The following GSTCD variants were observed in gnomAD, a reference collection of about 807,000 sequenced individuals.
GSTCD encodes glutathione S-transferase C-terminal domain containing, also known as glutathione S-transferase C-terminal domain-containing protein.
A neutral mutation model predicts 68.3 loss-of-function variants in GSTCD; 44 were observed. The ratio of observed to expected loss-of-function variants is 0.64; its 90% CI spans 0.51 to 0.83. The LOEUF is 0.83. Ranked by LOEUF, GSTCD falls within the 40% of genes least tolerant of loss-of-function variation. The pLI is 0.00. For synonymous variants in GSTCD, 273 were observed against 255.2 expected (o/e 1.07, Z -0.67); for missense variants, 739 against 735.9 (o/e 1.00, Z -0.05).
intron 5 of GSTCD, among the ~76,000 whole-genome samples, chr4:105,807,999 T>C (rs1201937537): frequency 6.6e-6 from 1 of 152,126 alleles, no homozygotes; most frequent in Admixed American, 6.6e-5. Flanking sequence ...CCTTCTTCTC[T>C]CTTGATCCTA....
chr4:105,750,662 T>C (rs1733982463), intron 5 of GSTCD, among the ~76,000 whole-genome samples: 3 of 151,994 alleles, frequency 2.0e-5, no homozygotes, highest in Non-Finnish European at 4.4e-5. Flanking sequence ...TCCAGAAAAA[T>C]AACAACTTAT....
At chr4:105,829,852 G>A (rs1459107482) in intron 8 of GSTCD, among the ~76,000 whole-genome samples, 1 of 151,724 alleles carries the variant, frequency 6.6e-6, no homozygotes, top group African/African-American at 2.4e-5. Flanking sequence ...CAGAGAACAA[G>A]AAAGGACGTC....
At chr4:105,790,523 C>T (rs908907650) in intron 5 of GSTCD, among the ~76,000 whole-genome samples, 1 of 151,864 alleles carries the variant, frequency 6.6e-6, no homozygotes, top group Admixed American at 6.6e-5. Context: ...TGCCTGTAGC[C>T]CCAGCTACTC....
chr4:105,829,194 A>G (rs1460576359), intron 8 of GSTCD, among the ~76,000 whole-genome samples: 1 of 151,400 alleles, frequency 6.6e-6, no homozygotes, highest in Non-Finnish European at 1.5e-5. Context: ...AATTAAAAAA[A>G]AAAAAAAAAA....
At chr4:105,828,477 G>A (rs188002038) in intron 8 of GSTCD, among the ~76,000 whole-genome samples, 1 of 152,228 alleles carries the variant, frequency 6.6e-6, no homozygotes, top group African/African-American at 2.4e-5. Flanking sequence ...CTTCTGAGAT[G>A]AAAATAGCAG....
At chr4:105,845,170 C>T (rs1724499085) in intron 11 of GSTCD, among the ~76,000 whole-genome samples, 1 of 152,148 alleles carries the variant, frequency 6.6e-6, no homozygotes, top group African/African-American at 2.4e-5. Flanking sequence ...GTCTGAGGCT[C>T]TAATTTGAGA....
intron 5 of GSTCD, among the ~76,000 whole-genome samples, chr4:105,790,810 A>G (rs1039071495): frequency 2.6e-5 from 4 of 152,110 alleles, no homozygotes; most frequent in African/African-American, 9.7e-5. Flanking sequence ...TATAAGTAAC[A>G]GAAATTGCCC....
chr4:105,726,649 T>G lies in GSTCD; in HGVS notation c.965T>G (p.Ile322Ser). 6.2e-7 allele frequency: 1 copy of G among 1,613,670 alleles called. No homozygotes were observed. Residue 322 changes from isoleucine to serine, a missense_variant, in exon 4 of 12, where the codon ATT becomes AGT. Ile to Ser is a moderately radical substitution (Grantham distance 142, BLOSUM62 -2). Coordinates refer to ENST00000515279, the MANE Select transcript of GSTCD (RefSeq NM_001370181.1). ...FPLLASWYQRIQEVPGVKTAA... is the reference protein window; with the variant it reads ...FPLLASWYQRSQEVPGVKTAA... The stretch of plus-strand genomic sequence containing the variant: ...TTGCTAGCCTCTTGGTACCAGAGGA[T>G]TCAGGAAGTGCCAGGAGTAAAAACA...
At chr4:105,734,336 G>A (rs1483861504) in intron 5 of GSTCD, among the ~76,000 whole-genome samples, 1 of 152,196 alleles carries the variant, frequency 6.6e-6, no homozygotes, top group African/African-American at 2.4e-5. Context: ...ATCAGCCATG[G>A]ATTTGGTCTT....
intron 5 of GSTCD, among the ~76,000 whole-genome samples, chr4:105,798,603 T>A (rs749842043): frequency 3.3e-5 from 5 of 152,184 alleles, no homozygotes; most frequent in Admixed American, 6.5e-5. Context: ...TCCTTGTAGA[T>A]CTCCATCAGA....
intron 1 of GSTCD, among the ~76,000 whole-genome samples, chr4:105,713,943 G>A (rs1732610781): frequency 6.6e-6 from 1 of 151,096 alleles, no homozygotes; most frequent in Non-Finnish European, 1.5e-5. Context: ...GGAGAAGTAT[G>A]CTTGTTTTTA....
At chr4:105,718,983 A>G (rs1732769763) in intron 2 of GSTCD, 77 bp from the exon 3 acceptor site, 1 of 1,155,508 alleles carries the variant, frequency 8.7e-7, no homozygotes, top group Admixed American at 2.3e-5. Flanking sequence ...TTATTTCCCA[A>G]TAAGACAGTT....
Position 105,710,531 on chromosome 4 carries a change from T to C in GSTCD, c.-22+1515T>C, listed in dbSNP as rs72969258. ...GGCGTGAGCCACCGCGCCCGGCCTG[T>C]TTTTGTTTTTTTAAACTTGTTTTAC... On this transcript the variant is annotated intron_variant, in intron 1 of 11. Transcript: ENST00000515279. Among the ~76,000 whole-genome samples the C allele has an allele frequency of 6.1e-3, 931 of 151,978 alleles. 7 individuals are homozygous for C. The highest frequency in any genetic ancestry group is 0.021 in the African/African-American group (857 of 41,456).
chr4:105,808,915 G>A (rs1722639984), intron 5 of GSTCD, among the ~76,000 whole-genome samples: 1 of 152,064 alleles, frequency 6.6e-6, no homozygotes, highest in Admixed American at 6.6e-5. Flanking sequence ...TTGATGATCA[G>A]ATCGACAGCT....
chr4:105,713,846 A>T (rs1029450273), intron 1 of GSTCD, among the ~76,000 whole-genome samples: 1 of 151,502 alleles, frequency 6.6e-6, no homozygotes, highest in Non-Finnish European at 1.5e-5. Context: ...AATTTATCTA[A>T]TATATAATGT....
intron 5 of GSTCD, among the ~76,000 whole-genome samples, chr4:105,788,669 G>T (rs1160346719): frequency 1.3e-5 from 2 of 152,104 alleles, no homozygotes; most frequent in African/African-American, 4.8e-5. Context: ...AGTCTAAAGA[G>T]CTTTAGAATA....
intron 11 of GSTCD, among the ~76,000 whole-genome samples, chr4:105,843,157 T>C (rs1366989138): frequency 1.3e-5 from 2 of 152,166 alleles, no homozygotes; most frequent in Non-Finnish European, 2.9e-5. Context: ...GAAATCCTTA[T>C]CTTTAAACTC....
intron 5 of GSTCD, among the ~76,000 whole-genome samples, chr4:105,769,728 A>G (rs1013723649): frequency 1.3e-5 from 2 of 151,862 alleles, no homozygotes; most frequent in Admixed American, 6.6e-5. Flanking sequence ...TTTTGTGTAT[A>G]TGTTACCTTT....
At chr4:105,777,175 T>C (rs1183829121) in intron 5 of GSTCD, among the ~76,000 whole-genome samples, 3 of 152,246 alleles carry the variant, frequency 2.0e-5, no homozygotes, top group African/African-American at 7.2e-5. Flanking sequence ...TACATTTTTA[T>C]GTCTGGTACA....
Sources: allele counts gnomAD v4.1 joint callset (sites outside exome capture counted in the v4.1 genomes callset), GRCh38; gene constraint gnomAD v4.1.1; transcripts MANE v1.5; gene names NCBI Gene and HGNC (gene_info 2026-07-23, HGNC 2026-07-21).